SLC24A2: variants seen among roughly 807,000 people sequenced by gnomAD.
SLC24A2 encodes the protein solute carrier family 24 member 2.
A neutral mutation model predicts 62.0 loss-of-function variants in SLC24A2; 36 were observed. The observed-to-expected ratio is 0.58, with a 90% CI of 0.44 to 0.77. SLC24A2 has a LOEUF of 0.77. Among genes scored for constraint, SLC24A2 ranks in the 30% least tolerant of loss-of-function variants. SLC24A2 has a pLI of 0.00. For synonymous variants in SLC24A2, 358 were observed against 294.0 expected, an observed-to-expected ratio of 1.22 and a Z score of -2.23; for missense variants, 846 against 817.9, an observed-to-expected ratio of 1.03 and a Z score of -0.42.
chr9:19,994,259 GGC>G, the SLC24A2 span, among the ~76,000 whole-genome samples: 2 of 152,150 alleles, frequency 1.3e-5, no homozygotes, highest in Non-Finnish European at 2.9e-5. Context: ...TAAATTTTAA[GGC>G]AATAACAAAC....
At chr9:20,138,688 C>G in the SLC24A2 span, among the ~76,000 whole-genome samples, 2 of 152,180 alleles carry the variant, frequency 1.3e-5, no homozygotes, top group African/African-American at 4.8e-5. Flanking sequence ...CATGTAGGAG[C>G]TGTATTTTCT....
the SLC24A2 span, chr9:19,928,211 C>G: frequency 2.0e-5 from 3 of 152,284 alleles, no homozygotes; most frequent in African/African-American, 7.2e-5. Flanking sequence ...CCCTTGATAC[C>G]TTCTAAACTG....
chr9:20,065,658 A>G, the SLC24A2 span, among the ~76,000 whole-genome samples: 1 of 152,184 alleles, frequency 6.6e-6, no homozygotes, highest in African/African-American at 2.4e-5. Flanking sequence ...TATACATTAT[A>G]CCTATATACA....
At chr9:19,740,021 G>C (rs1318906300) in intron 2 of SLC24A2, among the ~76,000 whole-genome samples, 1 of 152,270 alleles carries the variant, frequency 6.6e-6, no homozygotes, top group East Asian at 1.9e-4. Flanking sequence ...TCAAGGGCAG[G>C]CAACTCAAAG....
chr9:19,723,341 A>T (rs534020122), intron 2 of SLC24A2, among the ~76,000 whole-genome samples: 7 of 152,204 alleles, frequency 4.6e-5, no homozygotes, highest in Non-Finnish European at 1.0e-4. Flanking sequence ...TTCTGCTAAC[A>T]ATAAAGAAAA....
At chr9:19,850,996 TA>T in the SLC24A2 span, among the ~76,000 whole-genome samples, 1 of 49,018 alleles carries the variant, frequency 2.0e-5, no homozygotes, top group African/African-American at 6.9e-5. Flanking sequence ...TATATATATA[TA>T]TATACACATA....
chr9:19,947,275 C>T, the SLC24A2 span, among the ~76,000 whole-genome samples: 32 of 152,034 alleles, frequency 2.1e-4, 1 homozygote, highest in East Asian at 4.7e-3. Flanking sequence ...CAGACAGGTG[C>T]CATCTTTTGA....
At chr9:19,870,891 T>C in the SLC24A2 span, among the ~76,000 whole-genome samples, 1 of 152,174 alleles carries the variant, frequency 6.6e-6, no homozygotes, top group African/African-American at 2.4e-5. Flanking sequence ...GAGTTATTTA[T>C]GTATTCTGGA....
At chr9:20,253,960 A>G in the SLC24A2 span, among the ~76,000 whole-genome samples, 1 of 152,152 alleles carries the variant, frequency 6.6e-6, no homozygotes, top group Non-Finnish European at 1.5e-5. Flanking sequence ...CCAATGAGGG[A>G]GAATGGTGTG....
chr9:19,901,058 T>A, the SLC24A2 span, among the ~76,000 whole-genome samples: 1 of 152,222 alleles, frequency 6.6e-6, no homozygotes, highest in South Asian at 2.1e-4. Flanking sequence ...ACACTGGCAC[T>A]TGAGACCCAC....
chr9:20,032,154 C>A, the SLC24A2 span, among the ~76,000 whole-genome samples: 13 of 152,178 alleles, frequency 8.5e-5, no homozygotes, highest in Non-Finnish European at 1.8e-4. Context: ...TACCCTGGAC[C>A]TTTTTAACCG....
At chr9:19,550,071 A>G (rs140490492) in intron 8 of SLC24A2, 66 bp downstream of exon 8, 63 of 1,526,546 alleles carry the variant, frequency 4.1e-5, no homozygotes, top group African/African-American at 2.3e-4. Flanking sequence ...AAACTGAAGC[A>G]GACTATGCAC....
the SLC24A2 span, among the ~76,000 whole-genome samples, chr9:20,283,813 G>C: frequency 6.6e-6 from 1 of 151,810 alleles, no homozygotes; most frequent in Non-Finnish European, 1.5e-5. Context: ...TCCCACGAAA[G>C]GTGTAGGATT....
At chr9:19,960,639 G>A in the SLC24A2 span, among the ~76,000 whole-genome samples, 3 of 152,190 alleles carry the variant, frequency 2.0e-5, no homozygotes, top group Non-Finnish European at 2.9e-5. Context: ...ACCTACTCTA[G>A]TACTTAGTGT....
At chr9:20,081,278 C>T in the SLC24A2 span, among the ~76,000 whole-genome samples, 69 of 151,948 alleles carry the variant, frequency 4.5e-4, 1 homozygote, top group African/African-American at 1.2e-3. Flanking sequence ...CACATATACA[C>T]GATGGAATAC....
the SLC24A2 span, among the ~76,000 whole-genome samples, chr9:20,037,758 G>C: frequency 5.9e-5 from 9 of 152,172 alleles, no homozygotes; most frequent in Non-Finnish European, 1.0e-4. Flanking sequence ...ATTGTCTTGA[G>C]TTTATGACTC....
chr9:20,243,992 A>T, the SLC24A2 span, among the ~76,000 whole-genome samples: 2 of 152,134 alleles, frequency 1.3e-5, no homozygotes, highest in Non-Finnish European at 2.9e-5. Context: ...TCTAAACTCA[A>T]ACAGGAAGTC....
At chr9:20,271,690 A>G in the SLC24A2 span, among the ~76,000 whole-genome samples, 1 of 152,324 alleles carries the variant, frequency 6.6e-6, no homozygotes, top group African/African-American at 2.4e-5. Context: ...TTTTTAAAGC[A>G]TCTACAAGCA....
At chr9:19,700,348 C>T (rs1457170364) in intron 2 of SLC24A2, among the ~76,000 whole-genome samples, 1 of 152,152 alleles carries the variant, frequency 6.6e-6, no homozygotes, top group Non-Finnish European at 1.5e-5. Flanking sequence ...TGTCTTTCCC[C>T]ACTCCACTCT....
Sources: allele counts gnomAD v4.1 joint callset (sites outside exome capture counted in the v4.1 genomes callset), GRCh38; gene constraint gnomAD v4.1.1; transcripts MANE v1.5; gene names NCBI Gene and HGNC (gene_info 2026-07-23, HGNC 2026-07-21).